RESF1: variants seen among roughly 807,000 people sequenced by gnomAD.
The protein encoded by RESF1 is retroelement silencing factor 1.
In RESF1, 65 loss-of-function variants were observed where a neutral mutation model predicts 134.7. That is an observed-to-expected ratio of 0.48 (90% CI 0.40 to 0.59). The LOEUF (loss-of-function observed/expected upper bound fraction) is 0.59. Ranked by LOEUF, RESF1 falls within the 20% of genes least tolerant of loss-of-function variation. The pLI is 0.00. For synonymous variants in RESF1, 762 were observed against 702.2 expected (o/e 1.09, Z -1.35); for missense variants, 2,274 against 2,002.7 (o/e 1.14, Z -2.59).
At chr12:31,988,602 T>TGTATTTTAATACA (rs1491322105) in intron 5 of RESF1, among the ~76,000 whole-genome samples, 14 of 152,324 alleles carry the variant, frequency 9.2e-5, no homozygotes, top group African/African-American at 3.1e-4. Flanking sequence ...CAGGGATGAC[T>TGTATTTTAATACA]GTATTTTAAT....
intron 5 of RESF1, among the ~76,000 whole-genome samples, chr12:31,991,943 C>G (rs1940100849): frequency 6.6e-6 from 1 of 152,206 alleles, no homozygotes; most frequent in South Asian, 2.1e-4. Context: ...AAACTATAGA[C>G]ATGTTTTAGA....
In RESF1 at chr12:31,985,397, C is replaced by T; in HGVS notation, c.4442C>T (p.Pro1481Leu). 1 of 1,604,220 alleles carries T rather than the reference C, an allele frequency of 6.2e-7. No homozygotes were observed. Among genetic ancestry groups the T allele is most frequent in the Non-Finnish European group, 8.5e-7 (1 of 1,177,408 alleles). Residue 1481 changes from proline (P) to leucine (L), a missense_variant, in exon 4 of 6, where the codon CCA becomes CTA. Transcript: ENST00000312561. ...NVPCDSEHMR[P>L]SKLAVQVESC... Reference sequence around the variant, plus strand: ...CCATGTGATTCTGAACATATGAGACCAAGTAAACTTGCCGTGCAGGTTGAA... The same window carrying T: ...CCATGTGATTCTGAACATATGAGACTAAGTAAACTTGCCGTGCAGGTTGAA...
At chr12:31,980,520 C>T (rs575973252) in intron 3 of RESF1, among the ~76,000 whole-genome samples, 1 of 151,348 alleles carries the variant, frequency 6.6e-6, no homozygotes, top group East Asian at 1.9e-4. Context: ...TTGAACTTCC[C>T]TTTTTTTTTA....
At chr12:31,986,269 G>A (rs1939970168) in intron 4 of RESF1, among the ~76,000 whole-genome samples, 1 of 152,148 alleles carries the variant, frequency 6.6e-6, no homozygotes, top group African/African-American at 2.4e-5. Flanking sequence ...ATTCCTTGTG[G>A]GAATGTCAGA....
chr12:31,962,695 A>G (rs1218771241), intron 2 of RESF1, among the ~76,000 whole-genome samples: 1 of 152,266 alleles, frequency 6.6e-6, no homozygotes. Flanking sequence ...GACAAAGTGT[A>G]TTAAAAGAAA....
chr12:31,970,443 ATTTG>A (rs1403323752), intron 3 of RESF1, 87 bp downstream of exon 3: 1 of 152,092 alleles, frequency 6.6e-6, no homozygotes, highest in African/African-American at 2.4e-5. Flanking sequence ...TTTTCCACCT[ATTTG>A]TTCTATTCAT....
chr12:31,989,093 T>C (rs1422219833), intron 5 of RESF1, among the ~76,000 whole-genome samples: 1 of 151,870 alleles, frequency 6.6e-6, no homozygotes, highest in East Asian at 1.9e-4. Flanking sequence ...TTAGTTTTGG[T>C]TCATTAAATG....
rs1267070284 is a variant in RESF1 at position 31,989,846 on chromosome 12, T to C, written c.5086+2524T>C. On this transcript the variant is annotated intron_variant, in intron 5 of 5. Coordinates refer to ENST00000312561, the MANE Select transcript of RESF1 (RefSeq NM_018169.4). ...CAGCTTGGGCGACAGAGCAAAACTC[T>C]GTCTCAAAAAAAAAGTCAGTTAGCA... 1.1e-4 allele frequency among the ~76,000 whole-genome samples: 17 copies of C among 151,412 alleles called. No homozygotes were observed. In the East Asian group the frequency reaches 3.4e-3, roughly 31 times the overall value.
Position 31,984,916 on chromosome 12 carries a change from AC to A in RESF1, c.3964del (p.Arg1322AspfsTer6). 1.9e-6 allele frequency: 3 copies of A among 1,612,380 alleles called. No homozygotes were observed. The highest frequency in any genetic ancestry group is 2.5e-6 in the Non-Finnish European group (3 of 1,179,640). On this transcript the variant is annotated frameshift_variant, in exon 4 of 6. Coordinates refer to ENST00000312561, the MANE Select transcript of RESF1 (RefSeq NM_018169.4). LOFTEE classifies it high-confidence loss of function. Reference sequence around the variant, plus strand: ...ATCTTATGAACAAGCTTCTCAGGAAACCCGACAGAAGAAACATGTAACACAG... The same window carrying A: ...ATCTTATGAACAAGCTTCTCAGGAAACCGACAGAAGAAACATGTAACACAG... ...TASYEQASQE[T>X]RQKKHVTQNS...
chr12:31,985,730 G>T lies in RESF1; in HGVS notation c.4775G>T (p.Arg1592Leu), dbSNP rs974575885. Reference sequence around the variant, plus strand: ...AGAGTTGGGTTTAAATGCACTGAACGTGAAAGCATTTCTCTCACCAAATTA... The same window carrying T: ...AGAGTTGGGTTTAAATGCACTGAACTTGAAAGCATTTCTCTCACCAAATTA... ...LNRVGFKCTERESISLTKLES... is the reference protein window; with the variant it reads ...LNRVGFKCTELESISLTKLES... Residue 1592 changes from arginine (R) to leucine (L), a missense_variant, in exon 4 of 6, where the codon CGT (arginine) becomes CTT (leucine). Arg to Leu is a moderately radical substitution (Grantham distance 102). Transcript: ENST00000312561. The T allele has an allele frequency of 2.5e-6, 4 of 1,592,206 alleles. No homozygotes were observed. Among genetic ancestry groups the T allele is most frequent in the Non-Finnish European group, 3.4e-6 (4 of 1,173,834 alleles).
chr12:31,971,471 G>A (rs1215599901), intron 3 of RESF1, among the ~76,000 whole-genome samples: 6 of 151,608 alleles, frequency 4.0e-5, no homozygotes, highest in Admixed American at 1.3e-4. Flanking sequence ...AGCTATTTGT[G>A]TGATACTTTT....
chr12:31,990,241 G>A (rs551929766), intron 5 of RESF1, among the ~76,000 whole-genome samples: 4 of 152,240 alleles, frequency 2.6e-5, no homozygotes, highest in East Asian at 3.9e-4. Context: ...AGCACTGCAC[G>A]GTGAATGTGA....
rs1939478418 is a variant in RESF1, at chr12:31,970,334, T to C, written c.-101T>C. On this transcript the variant is annotated 5_prime_UTR_variant, in exon 3 of 6. The change abolishes the stop of an existing upstream ORF in the 5' untranslated region. Transcript: ENST00000312561. ...ACCTAGAAGTCTACTAATGGACAGT[T>C]AGTCACCCACCTACATGTTGAGGTA... The C allele has an allele frequency of 6.6e-6, 1 of 152,248 alleles. No homozygotes were observed. The highest frequency in any genetic ancestry group is 6.5e-5 in the Admixed American group (1 of 15,284). 9.4% of individuals were successfully genotyped at this position (152,248 alleles called of 1,614,324 possible).
At chr12:31,968,183 A>G (rs1356161634) in intron 2 of RESF1, among the ~76,000 whole-genome samples, 1 of 152,220 alleles carries the variant, frequency 6.6e-6, no homozygotes, top group Non-Finnish European at 1.5e-5. Context: ...GATACTCTTC[A>G]AATAAACTTT....
At chr12:31,979,372 A>G (rs1939718201) in intron 3 of RESF1, among the ~76,000 whole-genome samples, 1 of 152,288 alleles carries the variant, frequency 6.6e-6, no homozygotes, top group South Asian at 2.1e-4. Flanking sequence ...GCTCAGTCCT[A>G]CAAGACTGCC....
rs538266903 is a variant in RESF1, at chr12:31,984,949, C to A, written c.3994C>A (p.Arg1332Ser). The A allele has an allele frequency of 1.2e-6, 2 of 1,613,338 alleles. No homozygotes were observed. Among genetic ancestry groups the A allele is most frequent in the South Asian group, 1.1e-5 (1 of 90,722 alleles). ...GAAGAAACATGTAACACAGAACTCA[C>A]GTCCACTAAAAACAAAAACAGCTTT... ...RQKKHVTQNS[R>S]PLKTKTAFLP... The change falls in exon 4 of 6, where the codon CGT (arginine) becomes AGT (serine). Residue 1332 changes from arginine (R) to serine (S), a missense_variant. Coordinates refer to ENST00000312561, the MANE Select transcript of RESF1 (RefSeq NM_018169.4).
At chr12:31,975,244 G>A (rs532661920) in intron 3 of RESF1, among the ~76,000 whole-genome samples, 1 of 152,052 alleles carries the variant, frequency 6.6e-6, no homozygotes, top group East Asian at 1.9e-4. Context: ...CAGCCTGGGC[G>A]ACAGAGCGAG....
intron 3 of RESF1, among the ~76,000 whole-genome samples, chr12:31,975,404 G>A (rs1336661661): frequency 6.6e-6 from 1 of 152,160 alleles, no homozygotes; most frequent in African/African-American, 2.4e-5. Flanking sequence ...TATTATTAAA[G>A]TCCATCACTA....
intron 2 of RESF1, among the ~76,000 whole-genome samples, chr12:31,965,469 C>T (rs577163700): frequency 1.1e-4 from 17 of 152,266 alleles, no homozygotes; most frequent in African/African-American, 3.6e-4. Flanking sequence ...GCCACTGCTG[C>T]CCCCGCTCCC....
Sources: allele counts gnomAD v4.1 joint callset (sites outside exome capture counted in the v4.1 genomes callset), GRCh38; gene constraint gnomAD v4.1.1; transcripts MANE v1.5; gene names NCBI Gene and HGNC (gene_info 2026-07-23, HGNC 2026-07-21).